Variants in EPHA5 observed in about 807,000 individuals in gnomAD.
The protein encoded by EPHA5 is ephrin type-A receptor 5.
In EPHA5, 60 loss-of-function variants were observed where a neutral mutation model predicts 105.0. The observed-to-expected ratio is 0.57, with a 90% confidence interval of 0.46 to 0.71. The LOEUF is 0.71. Ranked by LOEUF, EPHA5 falls within the 30% of genes least tolerant of loss-of-function variation. The pLI, the probability that EPHA5 is intolerant of heterozygous loss-of-function variation, is 0.00. For missense variants in EPHA5, 1,218 were observed against 1,274.7 expected (o/e 0.96, Z 0.68); for synonymous variants, 513 against 449.1 (o/e 1.14, Z -1.80).
At chr4:65,494,169 A>G (rs1379929895) in intron 4 of EPHA5, among the ~76,000 whole-genome samples, 1 of 152,216 alleles carries the variant, frequency 6.6e-6, no homozygotes, top group Non-Finnish European at 1.5e-5. Context: ...CAGCTTTGGG[A>G]TAAAAGAATG....
chr4:65,506,363 C>T (rs1258921168), intron 3 of EPHA5, among the ~76,000 whole-genome samples: 3 of 146,918 alleles, frequency 2.0e-5, no homozygotes, highest in Admixed American at 6.8e-5. Flanking sequence ...GGGTATATAC[C>T]CAGTAATGGG....
chr4:65,630,874 G>C (rs997448809), intron 2 of EPHA5, among the ~76,000 whole-genome samples: 1 of 152,082 alleles, frequency 6.6e-6, no homozygotes, highest in Admixed American at 6.6e-5. Context: ...AGCTTTATTT[G>C]TATGGATAAC....
chr4:65,356,739 C>T (rs940706078), intron 11 of EPHA5, among the ~76,000 whole-genome samples: 1 of 151,464 alleles, frequency 6.6e-6, no homozygotes, highest in Non-Finnish European at 1.5e-5. Context: ...CACTTCAGGA[C>T]CCATTCGATT....
chr4:65,578,701 T>A (rs1741311371), intron 3 of EPHA5, among the ~76,000 whole-genome samples: 1 of 152,178 alleles, frequency 6.6e-6, no homozygotes, highest in South Asian at 2.1e-4. Flanking sequence ...AAAGGACACT[T>A]TAGAAAATAT....
chr4:65,332,094 C>T lies in EPHA5; in HGVS notation c.2824G>A (p.Gly942Arg), dbSNP rs2148799340. Reference sequence around the variant, plus strand: ...CCTACTGATCTGTAGGCCCCAGATCCTAGTGGGCTATGTTCTGCCAATAAA... The same window carrying T: ...CCTACTGATCTGTAGGCCCCAGATCTTAGTGGGCTATGTTCTGCCAATAAA... ...SNLLAEHSPL[G>R]SGAYRSVGEW... The change falls in exon 16 of 17, where the codon GGA (glycine) becomes AGA (arginine). Residue 942 changes from glycine to arginine, a missense_variant. Physicochemically the swap from Gly to Arg is moderately radical, Grantham distance 125. Around this residue, in one of 3 missense-constraint regions of EPHA5, gnomAD observed 971 missense variants for 1,013.5 expected, o/e 0.96. Coordinates refer to ENST00000613740, the MANE Select transcript of EPHA5 (RefSeq NM_001281766.3). The T allele has an allele frequency of 6.2e-7, 1 of 1,609,064 alleles. No individual in the cohort carries two copies. The highest frequency in any genetic ancestry group is 8.5e-7 in the Non-Finnish European group (1 of 1,176,898).
At chr4:65,574,737 T>TAC (rs1376768345) in intron 3 of EPHA5, among the ~76,000 whole-genome samples, 11 of 97,522 alleles carry the variant, frequency 1.1e-4, no homozygotes, top group African/African-American at 3.7e-4. Context: ...TATACATATA[T>TAC]ATATACATAT....
chr4:65,460,527 G>T (rs1317563582), intron 5 of EPHA5, among the ~76,000 whole-genome samples: 3 of 150,912 alleles, frequency 2.0e-5, no homozygotes, highest in Non-Finnish European at 3.0e-5. Flanking sequence ...TTATTTATAA[G>T]TAATGACTTT....
chr4:65,596,268 T>G (rs1380683475), intron 3 of EPHA5, among the ~76,000 whole-genome samples: 1 of 152,140 alleles, frequency 6.6e-6, no homozygotes, highest in Non-Finnish European at 1.5e-5. Flanking sequence ...TTTCCCCCAG[T>G]GAATATTAGG....
At chr4:65,376,113 C>G (rs767698372) in intron 8 of EPHA5, among the ~76,000 whole-genome samples, 9 of 151,902 alleles carry the variant, frequency 5.9e-5, no homozygotes, top group Admixed American at 5.9e-4. Flanking sequence ...ATTTTTTAAG[C>G]AACAAAAATT....
chr4:65,387,000 C>T (rs967039199), intron 8 of EPHA5, among the ~76,000 whole-genome samples: 4 of 151,766 alleles, frequency 2.6e-5, no homozygotes, highest in African/African-American at 9.7e-5. Context: ...AGCAAGACGT[C>T]TTGGTAATGT....
chr4:65,652,189 A>G (rs1219605975), intron 1 of EPHA5, among the ~76,000 whole-genome samples: 1 of 152,174 alleles, frequency 6.6e-6, no homozygotes, highest in Non-Finnish European at 1.5e-5. Context: ...GTTTCTTTCA[A>G]AAACAAAACA....
intron 4 of EPHA5, 99 bp from the exon 5 acceptor site, chr4:65,490,811 T>C: frequency 8.2e-7 from 1 of 1,224,906 alleles, no homozygotes; most frequent in East Asian, 2.5e-5. Flanking sequence ...AAAATAGATT[T>C]GCAATAAGTC....
chr4:65,598,926 T>C (rs1743439689), intron 3 of EPHA5, among the ~76,000 whole-genome samples: 1 of 151,988 alleles, frequency 6.6e-6, no homozygotes, highest in Non-Finnish European at 1.5e-5. Flanking sequence ...AACTTTGTCT[T>C]AAAGGAAACC....
chr4:65,656,409 G>C (rs1377164746), intron 1 of EPHA5, among the ~76,000 whole-genome samples: 1 of 150,974 alleles, frequency 6.6e-6, no homozygotes, highest in East Asian at 1.9e-4. Flanking sequence ...AATTGCTTTA[G>C]CATTGATGAT....
At chr4:65,654,223 C>T (rs946995644) in intron 1 of EPHA5, among the ~76,000 whole-genome samples, 1 of 150,090 alleles carries the variant, frequency 6.7e-6, no homozygotes, top group Non-Finnish European at 1.5e-5. Context: ...CAGACATCTA[C>T]CCTCCAACTT....
rs149620524 is a variant in EPHA5, at chr4:65,484,741, G to A, written c.1402+5636C>T. Among the ~76,000 whole-genome samples, 778 of 152,184 alleles carry A rather than the reference G, an allele frequency of 5.1e-3. 4 individuals are homozygous for A. Among genetic ancestry groups the A allele is most frequent in the African/African-American group, 0.018 (745 of 41,554 alleles). On this transcript the variant is annotated intron_variant, in intron 5 of 16. Transcript: ENST00000613740. ...TAAAAGAGCTTTAAGCTTAAGCTTAGAAATTCCTAGTGTAAAATTATTTCA... is the reference window on the plus strand; with the variant it reads ...TAAAAGAGCTTTAAGCTTAAGCTTAAAAATTCCTAGTGTAAAATTATTTCA...
intron 3 of EPHA5, among the ~76,000 whole-genome samples, chr4:65,521,140 G>A (rs1734669670): frequency 6.6e-6 from 1 of 152,104 alleles, no homozygotes; most frequent in East Asian, 1.9e-4. Flanking sequence ...GTCCATCAAT[G>A]ATAGGCTGAA....
intron 3 of EPHA5, among the ~76,000 whole-genome samples, chr4:65,520,989 T>G (rs1331373505): frequency 6.6e-6 from 1 of 152,080 alleles, no homozygotes; most frequent in East Asian, 1.9e-4. Flanking sequence ...GATCTAGAAC[T>G]AGAAACACCA....
At chr4:65,578,773 G>T (rs1426823404) in intron 3 of EPHA5, among the ~76,000 whole-genome samples, 6 of 151,836 alleles carry the variant, frequency 4.0e-5, no homozygotes, top group African/African-American at 1.5e-4. Flanking sequence ...GGCAATAATT[G>T]GTAACAAGCT....
Sources: allele counts gnomAD v4.1 joint callset (sites outside exome capture counted in the v4.1 genomes callset), GRCh38; gene constraint gnomAD v4.1.1; regional missense constraint gnomAD v4.1.1; transcripts MANE v1.5; gene names NCBI Gene and HGNC (gene_info 2026-07-23, HGNC 2026-07-21).